Variants in TMEM236 observed in about 807,000 individuals in gnomAD.
TMEM236 encodes family with sequence similarity 23, member A.
Under a neutral mutation model 14.7 loss-of-function variants are expected in TMEM236, and 11 were observed. The ratio of observed to expected loss-of-function variants is 0.75; its 90% CI spans 0.47 to 1.24. The LOEUF (loss-of-function observed/expected upper bound fraction) is 1.24. TMEM236 is among the 50% of genes most tolerant of loss of function. The probability of loss-of-function intolerance (pLI) is 0.00; values close to 1 mark genes in which losing one functional copy is unlikely to be tolerated. For missense variants in TMEM236, 464 were observed against 427.3 expected, an observed-to-expected ratio of 1.09 and a Z score of -0.76; for synonymous variants, 182 against 168.6, an observed-to-expected ratio of 1.08 and a Z score of -0.62.
At chr10:17,781,515 T>TG (rs1201261585) in intron 3 of TMEM236, among the ~76,000 whole-genome samples, 5 of 150,450 alleles carry the variant, frequency 3.3e-5, no homozygotes, top group African/African-American at 7.3e-5. Flanking sequence ...AGGTTGGGGG[T>TG]GGGGGGGATC....
At chr10:17,769,033 G>T (rs1837524785) in intron 1 of TMEM236, among the ~76,000 whole-genome samples, 1 of 152,090 alleles carries the variant, frequency 6.6e-6, no homozygotes, top group African/African-American at 2.4e-5. Context: ...TCATCTTGCA[G>T]GACTAAAGCT....
At chr10:17,777,426 A>G (rs1006454365) in intron 3 of TMEM236, among the ~76,000 whole-genome samples, 2 of 152,142 alleles carry the variant, frequency 1.3e-5, no homozygotes, top group Non-Finnish European at 2.9e-5. Flanking sequence ...CTACATCTCT[A>G]GATTCCTTAA....
At chr10:17,774,795 C>CCTTTCTCT (rs1343084981) in intron 2 of TMEM236, among the ~76,000 whole-genome samples, 3 of 77,738 alleles carry the variant, frequency 3.9e-5, no homozygotes, top group Non-Finnish European at 8.2e-5. Context: ...TTCCCTACCT[C>CCTTTCTCT]CTTTCTCTCT....
At chr10:17,781,967 GT>G (rs1837758945) in intron 3 of TMEM236, among the ~76,000 whole-genome samples, 1 of 152,088 alleles carries the variant, frequency 6.6e-6, no homozygotes, top group African/African-American at 2.4e-5. Flanking sequence ...AACCGCACCT[GT>G]TTCTAGGACA....
chr10:17,756,237 G>A (rs1837282227), intron 1 of TMEM236, among the ~76,000 whole-genome samples: 1 of 152,196 alleles, frequency 6.6e-6, no homozygotes, highest in Non-Finnish European at 1.5e-5. Flanking sequence ...CTGGGTGACA[G>A]ATGGAGACCC....
chr10:17,782,168 G>A (rs1381704526), intron 3 of TMEM236, among the ~76,000 whole-genome samples: 12 of 152,080 alleles, frequency 7.9e-5, no homozygotes, highest in African/African-American at 2.9e-4. Flanking sequence ...AAACTGGCTT[G>A]AGGCTCAACA....
At chr10:17,759,912 G>A (rs1440931421) in intron 1 of TMEM236, among the ~76,000 whole-genome samples, 1 of 150,686 alleles carries the variant, frequency 6.6e-6, no homozygotes, top group Admixed American at 6.7e-5. Flanking sequence ...GAACCCGGGA[G>A]GCGGAGCTTG....
Position 17,796,384 on chromosome 10 carries a change from G to A in TMEM236, c.936G>A (p.Leu312=), listed in dbSNP as rs1838015798. 1 of 1,613,714 alleles carries A rather than the reference G, an allele frequency of 6.2e-7. No homozygotes were observed. The highest frequency in any genetic ancestry group is 1.3e-5 in the African/African-American group (1 of 74,870). Residue 312 remains leucine, a synonymous_variant, in exon 4 of 4, where the codon CTG becomes CTA. Coordinates refer to ENST00000377495, the MANE Select transcript of TMEM236 (RefSeq NM_001098844.3). ...TTAGACTTGGTTTAATCATTGCCCT[G>A]GGGACTATCACACCCGTACTGGGCC... ...VFVRLGLIIA[L]GTITPVLGLC...
At chr10:17,760,814 G>C (rs1837350770) in intron 1 of TMEM236, among the ~76,000 whole-genome samples, 1 of 152,188 alleles carries the variant, frequency 6.6e-6, no homozygotes, top group Non-Finnish European at 1.5e-5. Flanking sequence ...GCAGGCAAGA[G>C]TGCATGTGCA....
Position 17,798,334 on chromosome 10 carries a change from T to G in TMEM236, c.*1830T>G. Reference sequence around the variant, plus strand: ...CAGGTAGATCACTGGAGTCCAGGAGTCTGAGACCAGCCTGGGCAACATGGA... The same window carrying G: ...CAGGTAGATCACTGGAGTCCAGGAGGCTGAGACCAGCCTGGGCAACATGGA... On this transcript the variant is annotated 3_prime_UTR_variant, in exon 4 of 4. Transcript: ENST00000377495. The G allele has an allele frequency of 3.0e-6, 1 of 335,686 alleles. No individual in the cohort carries two copies. The highest frequency in any genetic ancestry group is 5.8e-6 in the Non-Finnish European group (1 of 172,258). 20.8% of individuals were successfully genotyped at this position (335,686 alleles called of 1,614,324 possible). A position where few individuals can be genotyped will look rare whatever the true frequency, so the allele number is the denominator to read the frequency against.
At chr10:17,769,390 G>A (rs1465041707) in intron 1 of TMEM236, among the ~76,000 whole-genome samples, 2 of 152,140 alleles carry the variant, frequency 1.3e-5, no homozygotes, top group African/African-American at 4.8e-5. Flanking sequence ...CTAACAGTTG[G>A]GTAGACAAGT....
chr10:17,759,543 G>A (rs1367828355), intron 1 of TMEM236, among the ~76,000 whole-genome samples: 4 of 152,182 alleles, frequency 2.6e-5, no homozygotes, highest in Non-Finnish European at 5.9e-5. Context: ...AACGGTGGTG[G>A]TGATCATAGT....
chr10:17,767,753 A>G (rs1837492123), intron 1 of TMEM236, among the ~76,000 whole-genome samples: 1 of 152,168 alleles, frequency 6.6e-6, no homozygotes, highest in South Asian at 2.1e-4. Flanking sequence ...TATTAGCAGG[A>G]CCTGTAACTT....
intron 3 of TMEM236, among the ~76,000 whole-genome samples, chr10:17,787,968 A>G (rs1837865687): frequency 6.6e-6 from 1 of 152,158 alleles, no homozygotes; most frequent in Non-Finnish European, 1.5e-5. Flanking sequence ...ATTTCAAAGT[A>G]TAGGATTATT....
At chr10:17,775,876 T>A (rs1837651151) in intron 2 of TMEM236, among the ~76,000 whole-genome samples, 153 bp from the exon 3 acceptor site, 1 of 152,232 alleles carries the variant, frequency 6.6e-6, no homozygotes, top group Non-Finnish European at 1.5e-5. Flanking sequence ...CAAAACCTTG[T>A]GGCATTTAAA....
At chr10:17,787,556 G>GT (rs1196702873) in intron 3 of TMEM236, among the ~76,000 whole-genome samples, 1 of 152,188 alleles carries the variant, frequency 6.6e-6, no homozygotes, top group Non-Finnish European at 1.5e-5. Flanking sequence ...CTTAGTGCAG[G>GT]TTTTTTCCCC....
intron 3 of TMEM236, among the ~76,000 whole-genome samples, 194 bp from the exon 4 acceptor site, chr10:17,795,727 C>T (rs925676443): frequency 2.6e-5 from 4 of 152,164 alleles, no homozygotes; most frequent in Admixed American, 1.3e-4. Flanking sequence ...CCATGGCACA[C>T]ATTTGCCTAT....
rs1390861472 is a variant in TMEM236, at chr10:17,775,945, T to C, written c.331-84T>C. ...TTAGTAAATGTAATTATAATTAATTTAGTGCTGCATTCAGACTATTGAAAG... is the reference window on the plus strand; with the variant it reads ...TTAGTAAATGTAATTATAATTAATTCAGTGCTGCATTCAGACTATTGAAAG... On this transcript the variant is annotated intron_variant, in intron 2 of 3. Transcript: ENST00000377495. 3 of 1,505,230 alleles carry C rather than the reference T, an allele frequency of 2.0e-6. No homozygotes were observed. The African/African-American group carries it at 4.2e-5, about 21-fold the overall frequency. The allele number at this position is 1,505,230 out of a possible 1,614,324, so 93.2% of individuals were successfully genotyped here. A position where few individuals can be genotyped will look rare whatever the true frequency, so the allele number is the denominator to read the frequency against.
At chr10:17,782,699 G>A (rs946102165) in intron 3 of TMEM236, among the ~76,000 whole-genome samples, 3 of 151,786 alleles carry the variant, frequency 2.0e-5, no homozygotes, top group Non-Finnish European at 2.9e-5. Context: ...TGATCCACCC[G>A]CCTCACCTCC....
Sources: allele counts gnomAD v4.1 joint callset (sites outside exome capture counted in the v4.1 genomes callset), GRCh38; gene constraint gnomAD v4.1.1; transcripts MANE v1.5; gene names NCBI Gene and HGNC (gene_info 2026-07-23, HGNC 2026-07-21).